The following CSMD1 variants were observed in gnomAD, a reference collection of about 807,000 sequenced individuals.
CSMD1 encodes the protein CUB and Sushi multiple domains 1.
CSMD1 carries 213 observed loss-of-function variants against 417.5 expected under a neutral mutation model. That is an observed-to-expected ratio of 0.51 (90% CI 0.46 to 0.57). The LOEUF is 0.57. Ranked by LOEUF, CSMD1 falls within the 20% of genes least tolerant of loss-of-function variation. The pLI, the probability that CSMD1 is intolerant of heterozygous loss-of-function variation, is 0.00. For missense variants in CSMD1, 6,923 were observed against 4,529.7 expected (o/e 1.53, Z -15.17); for synonymous variants, 2,862 against 1,736.8 (o/e 1.65, Z -16.11).
chr8:3,430,591 G>C (rs1814153736), intron 12 of CSMD1, among the ~76,000 whole-genome samples: 1 of 152,166 alleles, frequency 6.6e-6, no homozygotes, highest in Non-Finnish European at 1.5e-5. Context: ...TGGATCATTT[G>C]AGGTCAGGAG....
intron 5 of CSMD1, among the ~76,000 whole-genome samples, chr8:3,908,959 T>C (rs540738787): frequency 9.2e-5 from 14 of 152,348 alleles, no homozygotes; most frequent in Non-Finnish European, 2.1e-4. Flanking sequence ...TTCACTACTG[T>C]TCTCCTTCAC....
intron 1 of CSMD1, among the ~76,000 whole-genome samples, chr8:4,987,357 C>G (rs537625292): frequency 6.6e-6 from 1 of 152,118 alleles, no homozygotes; most frequent in Admixed American, 6.6e-5. Flanking sequence ...CGGTGACAGG[C>G]GTGTTCAGTA....
intron 41 of CSMD1, among the ~76,000 whole-genome samples, chr8:3,140,325 T>C (rs886195671): frequency 5.1e-5 from 7 of 138,326 alleles, no homozygotes; most frequent in Non-Finnish European, 3.1e-5. Flanking sequence ...TCCTCTCTGA[T>C]GTTCTCTCTC....
At chr8:4,185,857 G>A (rs753780882) in intron 3 of CSMD1, among the ~76,000 whole-genome samples, 7 of 152,152 alleles carry the variant, frequency 4.6e-5, no homozygotes, top group African/African-American at 1.2e-4. Context: ...CAGAGCAACC[G>A]TTCTTGTAGG....
chr8:3,704,927 T>C (rs1419598097), intron 7 of CSMD1: 1 of 152,246 alleles, frequency 6.6e-6, no homozygotes, highest in Admixed American at 6.5e-5. Flanking sequence ...TCAGAGGGCA[T>C]GGATTTCTTG....
chr8:3,496,678 T>C (rs1796378232), intron 10 of CSMD1, among the ~76,000 whole-genome samples: 1 of 152,000 alleles, frequency 6.6e-6, no homozygotes, highest in Admixed American at 6.6e-5. Context: ...ATACAAAAAT[T>C]AGCCTGGCAT....
At chr8:4,837,537 A>T (rs1800570060) in intron 1 of CSMD1, among the ~76,000 whole-genome samples, 1 of 152,182 alleles carries the variant, frequency 6.6e-6, no homozygotes, top group African/African-American at 2.4e-5. Flanking sequence ...TTTGGTTCTT[A>T]TCTGTGGAAT....
intron 8 of CSMD1, among the ~76,000 whole-genome samples, chr8:3,603,266 C>T (rs912834091): frequency 2.0e-5 from 3 of 152,152 alleles, no homozygotes; most frequent in African/African-American, 4.8e-5. Context: ...ATGAATCCTC[C>T]TTCAAAAGCT....
intron 12 of CSMD1, among the ~76,000 whole-genome samples, chr8:3,427,161 A>G (rs1282313399): frequency 6.6e-6 from 1 of 152,190 alleles, no homozygotes; most frequent in East Asian, 1.9e-4. Context: ...GGGACTAAAA[A>G]TCAAGATGAG....
At chr8:4,917,527 G>A (rs768656707) in intron 1 of CSMD1, among the ~76,000 whole-genome samples, 7 of 152,150 alleles carry the variant, frequency 4.6e-5, no homozygotes, top group African/African-American at 7.2e-5. Context: ...CCAGCTACTC[G>A]GGAAGCTGAA....
chr8:3,635,050 A>C (rs1309208812), intron 7 of CSMD1, among the ~76,000 whole-genome samples: 2 of 135,594 alleles, frequency 1.5e-5, no homozygotes, highest in Non-Finnish European at 3.1e-5. Context: ...TTTAATGATA[A>C]AAAAAAAAAT....
chr8:4,761,987 CA>C (rs1210153133), intron 1 of CSMD1, among the ~76,000 whole-genome samples: 1 of 150,854 alleles, frequency 6.6e-6, no homozygotes, highest in Non-Finnish European at 1.5e-5. Flanking sequence ...GAAAAGCAAC[CA>C]AAATTAACAT....
At chr8:4,018,596 G>A (rs185140487) in intron 4 of CSMD1, among the ~76,000 whole-genome samples, 1 of 152,160 alleles carries the variant, frequency 6.6e-6, no homozygotes, top group Admixed American at 6.5e-5. Flanking sequence ...AGCACCCCCT[G>A]CCCCACTCAG....
chr8:4,745,528 G>T (rs1182716695), intron 1 of CSMD1, among the ~76,000 whole-genome samples: 2 of 152,178 alleles, frequency 1.3e-5, no homozygotes, highest in African/African-American at 4.8e-5. Flanking sequence ...ACCCATTCAG[G>T]CTTTTGTTTG....
At chr8:4,969,577 T>C (rs754970802) in intron 1 of CSMD1, among the ~76,000 whole-genome samples, 11 of 151,930 alleles carry the variant, frequency 7.2e-5, no homozygotes, top group Non-Finnish European at 1.5e-4. Flanking sequence ...AGCTCAGTTC[T>C]ATTTTTATCT....
At chr8:3,294,945 C>A (rs555481437) in intron 25 of CSMD1, among the ~76,000 whole-genome samples, 10 of 151,998 alleles carry the variant, frequency 6.6e-5, no homozygotes, top group South Asian at 6.3e-4. Flanking sequence ...TGGAGCTGTT[C>A]CTATTTGGCC....
chr8:3,600,080 A>C (rs34550248), intron 8 of CSMD1, among the ~76,000 whole-genome samples: 2 of 152,190 alleles, frequency 1.3e-5, no homozygotes, highest in African/African-American at 2.4e-5. Context: ...CTTGCTGAAC[A>C]CTTAAGAAAA....
At chr8:4,724,831 T>C (rs554305703) in intron 1 of CSMD1, among the ~76,000 whole-genome samples, 47 of 152,232 alleles carry the variant, frequency 3.1e-4, no homozygotes, top group African/African-American at 1.1e-3. Flanking sequence ...GAATATAGCC[T>C]GTATGTTTAA....
intron 5 of CSMD1, among the ~76,000 whole-genome samples, chr8:3,918,982 C>A (rs1039988885): frequency 6.6e-6 from 1 of 151,944 alleles, no homozygotes; most frequent in Admixed American, 6.6e-5. Context: ...CACTAAAAAA[C>A]TTATTCATGT....
Sources: gnomAD v4.1 joint callset for allele counts (sites outside exome capture counted in the v4.1 genomes callset) on GRCh38, gnomAD v4.1.1 for gene constraint, MANE v1.5 for transcripts, NCBI Gene and HGNC (gene_info 2026-07-23, HGNC 2026-07-21) for gene names.